The following DACH1 variants were observed in gnomAD, a reference collection of about 807,000 sequenced individuals.
DACH1 encodes dachshund homolog 1.
Under a neutral mutation model 54.2 loss-of-function variants are expected in DACH1, and 12 were observed. That is an observed-to-expected ratio of 0.22 (90% confidence interval 0.14 to 0.36). The LOEUF (loss-of-function observed/expected upper bound fraction) is 0.36. Among genes scored for constraint, DACH1 ranks in the 10% least tolerant of loss-of-function variants. The pLI, the probability that DACH1 is intolerant of heterozygous loss-of-function variation, is 1.00. For synonymous variants in DACH1, 386 were observed against 366.2 expected, an observed-to-expected ratio of 1.05 and a Z score of -0.62; for missense variants, 805 against 929.8, an observed-to-expected ratio of 0.87 and a Z score of 1.75.
intron 1 of DACH1, among the ~76,000 whole-genome samples, chr13:71,709,683 T>C (rs539141546): frequency 6.6e-6 from 1 of 152,334 alleles, no homozygotes; most frequent in South Asian, 2.1e-4. Context: ...TTCCTTTGCC[T>C]AACTTGTAAG....
chr13:71,824,041 C>T (rs1271772694), intron 1 of DACH1, among the ~76,000 whole-genome samples: 2 of 151,798 alleles, frequency 1.3e-5, no homozygotes, highest in Non-Finnish European at 1.5e-5. Context: ...AAACCTCTTG[C>T]CACATGCCAT....
chr13:71,534,585 T>C (rs1217824029), intron 6 of DACH1, among the ~76,000 whole-genome samples: 12 of 151,696 alleles, frequency 7.9e-5, no homozygotes, highest in Admixed American at 7.9e-4. Flanking sequence ...AGTGAGCAAT[T>C]GTAACTATGG....
At chr13:71,695,831 T>C (rs1881803046) in intron 1 of DACH1, among the ~76,000 whole-genome samples, 1 of 152,208 alleles carries the variant, frequency 6.6e-6, no homozygotes, top group Non-Finnish European at 1.5e-5. Context: ...CTTGGCTAAC[T>C]CAACCAACAG....
chr13:71,602,515 T>G (rs1360433270), intron 3 of DACH1, among the ~76,000 whole-genome samples: 2 of 152,006 alleles, frequency 1.3e-5, no homozygotes. Flanking sequence ...CATGCTGCTT[T>G]GTCCGCCATG....
chr13:71,769,248 A>AT (rs902642872), intron 1 of DACH1, among the ~76,000 whole-genome samples: 6 of 151,234 alleles, frequency 4.0e-5, no homozygotes, highest in Admixed American at 1.3e-4. Context: ...TGCCTTTATA[A>AT]TTTTTTTTTC....
In DACH1 at chr13:71,864,205, ACACACACAC is replaced by A. The variant is rs1301039605; in HGVS notation, c.848+1708_848+1716del. Among the ~76,000 whole-genome samples the A allele has an allele frequency of 9.7e-5, 12 of 123,214 alleles. No individual in the cohort carries two copies. In the East Asian group the frequency reaches 2.7e-3, roughly 27 times the overall value. 80.8% of individuals were successfully genotyped at this position (123,214 alleles called of 152,430 possible). ...TACACACACACACACACACACACACACACACACACAACATTTACCCCAAAATAGTCGAAG... is the reference window on the plus strand; with the variant it reads ...TACACACACACACACACACACACACAAACATTTACCCCAAAATAGTCGAAG... On this transcript the variant is annotated intron_variant, in intron 1 of 10. Transcript: ENST00000613252.
intron 1 of DACH1, among the ~76,000 whole-genome samples, chr13:71,796,740 A>G (rs1396853042): frequency 6.6e-6 from 1 of 151,910 alleles, no homozygotes; most frequent in Non-Finnish European, 1.5e-5. Context: ...GACAAGTAAT[A>G]TATAGTACTA....
intron 1 of DACH1, among the ~76,000 whole-genome samples, chr13:71,856,095 C>A (rs1873981468): frequency 6.6e-6 from 1 of 151,540 alleles, no homozygotes; most frequent in Non-Finnish European, 1.5e-5. Flanking sequence ...TTTTTAATTT[C>A]TTAAGAATAA....
At chr13:71,790,537 A>T (rs1886791412) in intron 1 of DACH1, among the ~76,000 whole-genome samples, 1 of 152,180 alleles carries the variant, frequency 6.6e-6, no homozygotes, top group Non-Finnish European at 1.5e-5. Flanking sequence ...TAGTTTAAAA[A>T]GGCCTTCTAA....
chr13:71,449,035 C>T (rs1279744156), intron 10 of DACH1, among the ~76,000 whole-genome samples: 1 of 151,948 alleles, frequency 6.6e-6, no homozygotes, highest in African/African-American at 2.4e-5. Context: ...AAATACACCA[C>T]AATAAGAAAT....
chr13:71,557,063 C>A lies in DACH1; in HGVS notation c.1531G>T (p.Asp511Tyr). Residue 511 changes from aspartate to tyrosine, a missense_variant, in exon 6 of 11, where the codon GAC (aspartate) becomes TAC (tyrosine). Physicochemically the swap from Asp to Tyr is radical, Grantham distance 160 (BLOSUM62 -3). Around this residue, in one of 3 missense-constraint regions of DACH1, gnomAD observed 472 missense variants for 545.3 expected, o/e 0.87. Transcript: ENST00000613252. ...GPKEGDLAGH[D>Y]MGHESKRMHI... ...ATCCTTTTTGACTCATGTCCCATGT[C>A]ATGACCGGCCAAATCTCCCTCTTTG... 2 of 1,611,278 alleles carry A rather than the reference C, an allele frequency of 1.2e-6. No homozygotes were observed. The highest frequency in any genetic ancestry group is 1.7e-6 in the Non-Finnish European group (2 of 1,178,664).
intron 1 of DACH1, among the ~76,000 whole-genome samples, chr13:71,813,268 T>C (rs1887788494): frequency 6.6e-6 from 1 of 152,216 alleles, no homozygotes; most frequent in Admixed American, 6.5e-5. Flanking sequence ...CCCATAATCA[T>C]AAAATTATTT....
At chr13:71,814,663 A>G (rs1041589507) in intron 1 of DACH1, among the ~76,000 whole-genome samples, 2 of 152,208 alleles carry the variant, frequency 1.3e-5, no homozygotes, top group African/African-American at 4.8e-5. Flanking sequence ...AAAAGTGGAA[A>G]TATTAATGGA....
intron 10 of DACH1, among the ~76,000 whole-genome samples, chr13:71,469,487 G>T (rs1278661830): frequency 6.6e-6 from 1 of 152,000 alleles, no homozygotes; most frequent in Non-Finnish European, 1.5e-5. Context: ...AGTAAGAAGG[G>T]AATAATTTAA....
In DACH1 at chr13:71,804,994, A is replaced by G. The variant is rs181508126; in HGVS notation, c.848+60928T>C. 3.5e-3 allele frequency among the ~76,000 whole-genome samples: 534 copies of G among 152,290 alleles called. 2 individuals carry two copies. Among genetic ancestry groups the G allele is most frequent in the Non-Finnish European group, 5.6e-3 (378 of 68,020 alleles). On this transcript the variant is annotated intron_variant, in intron 1 of 10. Coordinates refer to ENST00000613252, the MANE Select transcript of DACH1 (RefSeq NM_080759.6). ...ATCTTCACTGTGCAATACAGTAGCC[A>G]ATAGCTACATGTGTCTATTTAAATT...
rs78433936 is a variant in DACH1, at chr13:71,722,335, T to C, written c.849-40425A>G. On this transcript the variant is annotated intron_variant, in intron 1 of 10. Transcript: ENST00000613252. ...GCTTCTTTCCTTCTTTTAGAAAAAATAATTCACAGAACAACATTCCCTTCT... is the reference window on the plus strand; with the variant it reads ...GCTTCTTTCCTTCTTTTAGAAAAAACAATTCACAGAACAACATTCCCTTCT... 3.9e-4 allele frequency among the ~76,000 whole-genome samples: 60 copies of C among 152,222 alleles called. No homozygotes were observed. The East Asian group carries it at 8.3e-3, about 21-fold the overall frequency.
At chr13:71,650,331 T>C (rs777344988) in intron 2 of DACH1, among the ~76,000 whole-genome samples, 3 of 152,206 alleles carry the variant, frequency 2.0e-5, no homozygotes, top group Non-Finnish European at 4.4e-5. Flanking sequence ...ATCCAGTACA[T>C]AAGCAGTACT....
At chr13:71,702,763 CT>C (rs2138754608) in intron 1 of DACH1, among the ~76,000 whole-genome samples, 1 of 152,192 alleles carries the variant, frequency 6.6e-6, no homozygotes, top group Non-Finnish European at 1.5e-5. Context: ...CCATAAATTA[CT>C]TCTTTAAAAT....
chr13:71,529,358 TG>T (rs1015467551), intron 6 of DACH1, among the ~76,000 whole-genome samples: 4 of 152,070 alleles, frequency 2.6e-5, no homozygotes, highest in African/African-American at 4.8e-5. Context: ...AGCTATTTTT[TG>T]TATTTTTAGT....
Sources: gnomAD v4.1 joint callset for allele counts (sites outside exome capture counted in the v4.1 genomes callset) on GRCh38, gnomAD v4.1.1 for gene constraint, gnomAD v4.1.1 regional missense constraint, MANE v1.5 for transcripts, NCBI Gene and HGNC (gene_info 2026-07-23, HGNC 2026-07-21) for gene names.